The following ARID4A variants were observed in gnomAD, a reference collection of about 807,000 sequenced individuals.
ARID4A encodes AT-rich interactive domain-containing protein 4A.
A neutral mutation model predicts 148.6 loss-of-function variants in ARID4A; 39 were observed. That is an observed-to-expected ratio of 0.26 (90% CI 0.20 to 0.34). ARID4A has a LOEUF of 0.34. ARID4A is among the 10% of genes least tolerant of loss of function. ARID4A has a pLI of 1.00. For missense variants in ARID4A, 1,265 were observed against 1,449.1 expected (o/e 0.87, Z 2.06); for synonymous variants, 475 against 481.2 (o/e 0.99, Z 0.17).
intron 8 of ARID4A, among the ~76,000 whole-genome samples, chr14:58,326,377 C>T (rs902981128): frequency 3.9e-5 from 6 of 152,096 alleles, no homozygotes; most frequent in Admixed American, 1.3e-4. Context: ...GCGGAACTTG[C>T]GGTGAGCTGA....
At chr14:58,360,591 TCTAA>T (rs1266684656) in intron 18 of ARID4A, among the ~76,000 whole-genome samples, 2 of 152,172 alleles carry the variant, frequency 1.3e-5, no homozygotes, top group Non-Finnish European at 2.9e-5. Flanking sequence ...CTTCTAAAGC[TCTAA>T]CTGACCATCA....
rs553353492 is a variant in ARID4A, at chr14:58,337,267, T to A, written c.906+7098T>A. 1.2e-4 allele frequency among the ~76,000 whole-genome samples: 16 copies of A among 137,748 alleles called. No individual in the cohort carries two copies. The South Asian group carries it at 1.6e-3, about 14-fold the overall frequency. The allele number at this position is 137,748 out of a possible 152,430, so 90.4% of individuals were successfully genotyped here. Reference sequence around the variant, plus strand: ...TTATTTATATATATATATATATATATAATTAAAACCGAGGTTTAGAGAGGT... The same window carrying A: ...TTATTTATATATATATATATATATAAAATTAAAACCGAGGTTTAGAGAGGT... On this transcript the variant is annotated intron_variant, in intron 11 of 23. Transcript: ENST00000355431.
chr14:58,347,458 C>T (rs920656966), intron 14 of ARID4A, among the ~76,000 whole-genome samples, 189 bp from the exon 15 acceptor site: 2 of 152,078 alleles, frequency 1.3e-5, no homozygotes, highest in African/African-American at 4.8e-5. Context: ...CGTCTCAGGA[C>T]GGCATTTTAT....
intron 8 of ARID4A, among the ~76,000 whole-genome samples, chr14:58,323,845 C>T (rs937952934): frequency 1.3e-5 from 2 of 150,794 alleles, no homozygotes; most frequent in East Asian, 1.9e-4. Flanking sequence ...TATTTCTTCC[C>T]TCATAATATG....
At chr14:58,323,655 A>T (rs1019504722) in intron 8 of ARID4A, 38 bp downstream of exon 8, 1 of 1,535,538 alleles carries the variant, frequency 6.5e-7, no homozygotes, top group Non-Finnish European at 8.9e-7. Context: ...TCAGCCGTCT[A>T]AATATTTGTT....
chr14:58,364,377 G>T lies in ARID4A; in HGVS notation c.2288G>T (p.Gly763Val), dbSNP rs1476049913. The change falls in exon 20 of 24, where the codon GGA (glycine) becomes GTA (valine). Residue 763 changes from glycine to valine, a missense_variant. By Grantham distance (109) the Gly-to-Val change is moderately radical. Transcript: ENST00000355431. ...QPLETLKLEV[G>V]ENEQIVQIFG... ...TTAGAAACCCTGAAGTTAGAAGTTG[G>T]AGAGAATGAACAAATAGTACAGATT... 1.2e-6 allele frequency: 2 copies of T among 1,602,948 alleles called. No homozygotes were observed. Among genetic ancestry groups the T allele is most frequent in the East Asian group, 2.2e-5 (1 of 44,708 alleles).
intron 7 of ARID4A, among the ~76,000 whole-genome samples, chr14:58,321,041 G>C (rs923021814): frequency 1.3e-5 from 2 of 152,178 alleles, no homozygotes; most frequent in African/African-American, 4.8e-5. Flanking sequence ...CTGAAGGAAA[G>C]CACAGCAAGA....
At chr14:58,307,035 C>A (rs565940155) in intron 5 of ARID4A, among the ~76,000 whole-genome samples, 1 of 152,262 alleles carries the variant, frequency 6.6e-6, no homozygotes, top group South Asian at 2.1e-4. Flanking sequence ...TAAGTTAAAA[C>A]CTTAAAGTAG....
At chr14:58,325,303 T>C (rs2033150025) in intron 8 of ARID4A, among the ~76,000 whole-genome samples, 1 of 152,040 alleles carries the variant, frequency 6.6e-6, no homozygotes. Context: ...GTTTTGTTTT[T>C]GAGAGAGGAT....
At chr14:58,308,025 T>C (rs923724791) in intron 5 of ARID4A, among the ~76,000 whole-genome samples, 8 of 152,026 alleles carry the variant, frequency 5.3e-5, no homozygotes, top group African/African-American at 1.9e-4. Context: ...ACTGATAAAA[T>C]GCGCATGCTC....
chr14:58,344,045 T>A (rs939632618), intron 11 of ARID4A, among the ~76,000 whole-genome samples: 2 of 152,170 alleles, frequency 1.3e-5, no homozygotes, highest in Non-Finnish European at 2.9e-5. Flanking sequence ...TATCTTATTT[T>A]TAGGTGTTGC....
chr14:58,339,106 G>C lies in ARID4A; in HGVS notation c.907-5589G>C, dbSNP rs1273646258. Among the ~76,000 whole-genome samples, 7 of 151,110 alleles carry C rather than the reference G, an allele frequency of 4.6e-5. No individual in the cohort carries two copies. The East Asian group carries it at 1.4e-3, about 30-fold the overall frequency. On this transcript the variant is annotated intron_variant, in intron 11 of 23. Transcript: ENST00000355431. ...TAGCCTCCTGAGTAGCTGGGACTAG[G>C]ATTATAGGCATGCACCACCATGCCC...
chr14:58,346,440 G>A lies in ARID4A; in HGVS notation c.1009G>A (p.Gly337Ser), dbSNP rs1234109707. The A allele has an allele frequency of 6.2e-7, 1 of 1,608,438 alleles. No homozygotes were observed. Among genetic ancestry groups the A allele is most frequent in the Admixed American group, 1.7e-5 (1 of 59,548 alleles). Residue 337 changes from glycine (G) to serine (S), a missense_variant, in exon 13 of 24, where the codon GGC becomes AGC. By Grantham distance (56) the Gly-to-Ser change is moderately conservative. Coordinates refer to ENST00000355431, the MANE Select transcript of ARID4A (RefSeq NM_002892.4). ...TCCAATCAACAAACCACCTGTTTTG[G>A]GCTATAAAGATCTCAATCTCTTCAA... ...GTPINKPPVL[G>S]YKDLNLFKLF...
At chr14:58,341,905 G>C (rs1256196328) in intron 11 of ARID4A, among the ~76,000 whole-genome samples, 1 of 152,170 alleles carries the variant, frequency 6.6e-6, no homozygotes, top group Non-Finnish European at 1.5e-5. Context: ...GTCTCAGATG[G>C]TCTAGTGGAC....
chr14:58,325,889 C>T (rs1418368310), intron 8 of ARID4A, among the ~76,000 whole-genome samples: 1 of 150,876 alleles, frequency 6.6e-6, no homozygotes, highest in African/African-American at 2.4e-5. Flanking sequence ...CTTTTATTTA[C>T]TCAGATTTAT....
intron 3 of ARID4A, among the ~76,000 whole-genome samples, chr14:58,304,290 A>G (rs1014370275): frequency 2.7e-4 from 41 of 152,358 alleles, no homozygotes; most frequent in African/African-American, 9.6e-4. Context: ...TTCTTTAACA[A>G]TTCAAATTTG....
At chr14:58,316,569 G>A (rs2032426385) in intron 5 of ARID4A, among the ~76,000 whole-genome samples, 1 of 152,032 alleles carries the variant, frequency 6.6e-6, no homozygotes, top group Admixed American at 6.5e-5. Flanking sequence ...ATATAGTCAA[G>A]TAGTACGATT....
intron 17 of ARID4A, among the ~76,000 whole-genome samples, chr14:58,358,358 T>C (rs1285431365): frequency 1.3e-5 from 2 of 152,018 alleles, no homozygotes; most frequent in Non-Finnish European, 1.5e-5. Flanking sequence ...ATCCCAGATA[T>C]TGGGAGGCTG....
At chr14:58,340,171 A>C (rs2034041788) in intron 11 of ARID4A, among the ~76,000 whole-genome samples, 1 of 152,296 alleles carries the variant, frequency 6.6e-6, no homozygotes, top group South Asian at 2.1e-4. Flanking sequence ...ACAAGGGATA[A>C]GGTGAATGCC....
Sources: allele counts gnomAD v4.1 joint callset (sites outside exome capture counted in the v4.1 genomes callset), GRCh38; gene constraint gnomAD v4.1.1; transcripts MANE v1.5; gene names NCBI Gene and HGNC (gene_info 2026-07-23, HGNC 2026-07-21).